The following LRRC49 variants were observed in gnomAD, a reference collection of about 807,000 sequenced individuals.
LRRC49 encodes leucine rich repeat containing 49.
LRRC49 carries 50 observed loss-of-function variants against 83.3 expected under a neutral mutation model. The observed-to-expected ratio is 0.60, with a 90% CI of 0.48 to 0.76. LRRC49 has a LOEUF of 0.76. Among genes scored for constraint, LRRC49 ranks in the 30% least tolerant of loss-of-function variants. The pLI, the probability that LRRC49 is intolerant of heterozygous loss-of-function variation, is 0.00. For missense variants in LRRC49, 704 were observed against 809.1 expected, an observed-to-expected ratio of 0.87 and a Z score of 1.58; for synonymous variants, 286 against 283.3, an observed-to-expected ratio of 1.01 and a Z score of -0.10.
intron 6 of LRRC49, chr15:70,918,844 A>G: frequency 2.2e-6 from 1 of 459,644 alleles, no homozygotes; most frequent in Non-Finnish European, 3.8e-6. Flanking sequence ...GTCAAATTGT[A>G]AAATATGATC....
chr15:70,995,340 A>C (rs2038038817), intron 11 of LRRC49, among the ~76,000 whole-genome samples: 1 of 152,220 alleles, frequency 6.6e-6, no homozygotes, highest in Non-Finnish European at 1.5e-5. Flanking sequence ...ATTTATGGTC[A>C]AAGTAAGTTT....
At chr15:71,047,762 ATTTG>A (rs748554011) in intron 15 of LRRC49, among the ~76,000 whole-genome samples, 2 of 151,854 alleles carry the variant, frequency 1.3e-5, no homozygotes, top group Admixed American at 6.6e-5. Flanking sequence ...TTAGGATTTC[ATTTG>A]TTTGTTTGTT....
intron 2 of LRRC49, chr15:70,882,804 T>A (rs1333175761): frequency 6.2e-7 from 1 of 1,614,076 alleles, no homozygotes; most frequent in Non-Finnish European, 8.5e-7. Flanking sequence ...TTTGTGTACT[T>A]TTATGCACTG....
At chr15:71,020,600 G>A (rs1032835588) in intron 14 of LRRC49, among the ~76,000 whole-genome samples, 8 of 152,050 alleles carry the variant, frequency 5.3e-5, no homozygotes, top group Non-Finnish European at 1.2e-4. Flanking sequence ...CTTCAAAAGA[G>A]TGGAGATCAA....
chr15:71,002,274 A>G (rs2038285359), intron 11 of LRRC49, among the ~76,000 whole-genome samples: 1 of 151,994 alleles, frequency 6.6e-6, no homozygotes, highest in African/African-American at 2.4e-5. Flanking sequence ...AAAAAAGTGG[A>G]TATTTCTTGG....
chr15:70,972,079 C>T (rs143891245), intron 9 of LRRC49, among the ~76,000 whole-genome samples: 158 of 152,154 alleles, frequency 1.0e-3, no homozygotes, highest in Non-Finnish European at 1.7e-3. Context: ...TTCATAGTGT[C>T]GATGGTCTTT....
intron 14 of LRRC49, among the ~76,000 whole-genome samples, chr15:71,034,721 T>A (rs769895406): frequency 1.4e-4 from 22 of 152,060 alleles, no homozygotes; most frequent in Non-Finnish European, 1.6e-4. Context: ...TAAAAAGAAA[T>A]GAGGTCATGT....
intron 14 of LRRC49, among the ~76,000 whole-genome samples, chr15:71,023,915 G>A (rs537229378): frequency 2.0e-5 from 3 of 152,122 alleles, no homozygotes; most frequent in Non-Finnish European, 2.9e-5. Flanking sequence ...GCAGCTGCCT[G>A]CTGCCTAAGA....
rs144057173 is a variant in LRRC49 at position 71,008,404 on chromosome 15, G to T, written c.1195G>T (p.Ala399Ser). 3 of 1,612,560 alleles carry T rather than the reference G, an allele frequency of 1.9e-6. No individual in the cohort carries two copies. The highest frequency in any genetic ancestry group is 3.3e-5 in the Admixed American group (2 of 59,946). ...GCCTCTAGACTCAGGACTCAACAAT[G>T]CTTTACAAGGTTTATCTGTCATAGA... ...TGPLDSGLNN[A>S]LQGLSVIDTY... Residue 399 changes from alanine to serine, a missense_variant, in exon 12 of 16, where the codon GCT (alanine) becomes TCT (serine). By Grantham distance (99) the Ala-to-Ser change is moderately conservative (BLOSUM62 1). This residue lies in a region of LRRC49 where 168 missense variants were observed against 140.6 expected (regional missense o/e 1.20). Transcript: ENST00000260382.
intron 14 of LRRC49, among the ~76,000 whole-genome samples, chr15:71,015,285 T>C (rs2038788765): frequency 6.6e-6 from 1 of 152,196 alleles, no homozygotes; most frequent in Non-Finnish European, 1.5e-5. Context: ...GCAGCGGCAG[T>C]CCTCAACCTT....
chr15:70,855,363 A>G lies in LRRC49; in HGVS notation c.-299+1894A>G, dbSNP rs192888363. Among the ~76,000 whole-genome samples, 70 of 151,752 alleles carry G rather than the reference A, an allele frequency of 4.6e-4. No individual in the cohort carries two copies. The East Asian group carries it at 0.013, about 29-fold the overall frequency. ...AAAAAAAAAAAGAAAAAGAAAAAAA[A>G]AGAAAGAAGGAAAGAAGAAAAAGAA... On this transcript the variant is annotated intron_variant, in intron 1 of 16. Transcript: ENST00000544974.
Position 70,990,717 on chromosome 15 carries a change from T to C in LRRC49, c.1169+6460T>C, listed in dbSNP as rs369330293. 1.4e-4 allele frequency among the ~76,000 whole-genome samples: 21 copies of C among 152,318 alleles called. 1 individual carries two copies. The highest frequency in any genetic ancestry group is 5.1e-4 in the African/African-American group (21 of 41,572). ...CAGATGGAAATGCAGAAATCACCCG[T>C]CTTCTGCGTCACTCACGCTGGGAGC... On this transcript the variant is annotated intron_variant, in intron 11 of 15. Transcript: ENST00000260382.
At chr15:70,866,601 A>G (rs192314699) in intron 1 of LRRC49, among the ~76,000 whole-genome samples, 2 of 152,280 alleles carry the variant, frequency 1.3e-5, no homozygotes, top group Admixed American at 1.3e-4. Context: ...AGTTTAAATC[A>G]TCTTCAAGAT....
chr15:71,008,400 C>A lies in LRRC49; in HGVS notation c.1191C>A (p.Asn397Lys), dbSNP rs1194613905. The A allele has an allele frequency of 3.1e-6, 5 of 1,612,316 alleles. No individual in the cohort carries two copies. The highest frequency in any genetic ancestry group is 4.2e-6 in the Non-Finnish European group (5 of 1,178,848). The change falls in exon 12 of 16, where the codon AAC becomes AAA. Residue 397 changes from asparagine (N) to lysine (K), a missense_variant. Coordinates refer to ENST00000260382, the MANE Select transcript of LRRC49 (RefSeq NM_017691.5). ...EETGPLDSGL[N>K]NALQGLSVID... ...CCAGGCCTCTAGACTCAGGACTCAA[C>A]AATGCTTTACAAGGTTTATCTGTCA... is the stretch of plus-strand genomic sequence containing the variant.
chr15:70,991,448 T>C (rs1466932644), intron 11 of LRRC49, among the ~76,000 whole-genome samples: 1 of 152,210 alleles, frequency 6.6e-6, no homozygotes, highest in Non-Finnish European at 1.5e-5. Context: ...ATATAACCTA[T>C]ATTCTTCCTG....
At chr15:70,926,904 C>T (rs1472312734) in intron 7 of LRRC49, among the ~76,000 whole-genome samples, 1 of 152,128 alleles carries the variant, frequency 6.6e-6, no homozygotes, top group Non-Finnish European at 1.5e-5. Context: ...CAAACAACCC[C>T]ACCAAAAATT....
intron 14 of LRRC49, among the ~76,000 whole-genome samples, chr15:71,022,946 G>T (rs953935659): frequency 6.6e-6 from 1 of 152,140 alleles, no homozygotes; most frequent in Non-Finnish European, 1.5e-5. Context: ...GAAATCACAT[G>T]GAGCATGTTT....
chr15:70,855,349 G>A (rs28396183), intron 1 of LRRC49, among the ~76,000 whole-genome samples: 12 of 140,274 alleles, frequency 8.6e-5, no homozygotes, highest in South Asian at 2.3e-4. Flanking sequence ...AAAAAAAAAA[G>A]AAAAAGAAAA....
intron 14 of LRRC49, among the ~76,000 whole-genome samples, chr15:71,018,023 T>C (rs959771018): frequency 1.3e-5 from 2 of 152,144 alleles, no homozygotes; most frequent in Non-Finnish European, 1.5e-5. Flanking sequence ...TGATACTGTT[T>C]ATATTACAGT....
Sources: gnomAD v4.1 joint callset for allele counts (sites outside exome capture counted in the v4.1 genomes callset) on GRCh38, gnomAD v4.1.1 for gene constraint, gnomAD v4.1.1 regional missense constraint, MANE v1.5 for transcripts, NCBI Gene and HGNC (gene_info 2026-07-23, HGNC 2026-07-21) for gene names.